The following MTMR3 variants were observed in gnomAD, a reference collection of about 807,000 sequenced individuals.
MTMR3 encodes the protein phosphatidylinositol-3,5-bisphosphate 3-phosphatase MTMR3.
A neutral mutation model predicts 132.4 loss-of-function variants in MTMR3; 32 were observed. The ratio of observed to expected loss-of-function variants is 0.24; its 90% CI spans 0.18 to 0.32. The LOEUF (loss-of-function observed/expected upper bound fraction) is 0.32, where lower values mean the gene tolerates loss of function less well. MTMR3 is among the 10% of genes least tolerant of loss of function. The pLI, the probability that MTMR3 is intolerant of heterozygous loss-of-function variation, is 1.00. For missense variants in MTMR3, 1,216 were observed against 1,489.6 expected (o/e 0.82, Z 3.02); for synonymous variants, 556 against 550.3 (o/e 1.01, Z -0.14).
chr22:30,020,846 A>C lies in MTMR3; in HGVS notation c.3187A>C (p.Ser1063Arg). Residue 1063 changes from serine to arginine, a missense_variant, in exon 17 of 20, where the codon AGC (serine) becomes CGC (arginine). By Grantham distance (110) the Ser-to-Arg change is moderately radical. Transcript: ENST00000401950. ...KSRLESQYLT[S>R]SLHFNGDFGD... is the part of the protein sequence containing the mutation. Reference sequence around the variant, plus strand: ...TCGCCTGGAGAGCCAGTACCTGACCAGCTCCCTACACTTTAATGGAGACTT... The same window carrying C: ...TCGCCTGGAGAGCCAGTACCTGACCCGCTCCCTACACTTTAATGGAGACTT... 6.2e-7 allele frequency: 1 copy of C among 1,604,768 alleles called. No homozygotes were observed. Among genetic ancestry groups the C allele is most frequent in the Non-Finnish European group, 8.5e-7 (1 of 1,175,080 alleles).
intron 16 of MTMR3, 142 bp downstream of exon 16, chr22:30,018,214 G>A: frequency 1.1e-6 from 1 of 928,148 alleles, no homozygotes; most frequent in Admixed American, 3.9e-5. Flanking sequence ...TTTCAGGGAA[G>A]TTATAGGGAT....
chr22:29,940,826 C>G (rs2065843498), intron 1 of MTMR3, among the ~76,000 whole-genome samples: 1 of 149,966 alleles, frequency 6.7e-6, no homozygotes, highest in South Asian at 2.1e-4. Flanking sequence ...TTCAAGGAAC[C>G]TCAGACTTTG....
chr22:29,946,021 T>TTTTGTGTG (rs144010124), intron 1 of MTMR3, among the ~76,000 whole-genome samples: 3 of 150,780 alleles, frequency 2.0e-5, no homozygotes, highest in African/African-American at 7.3e-5. Context: ...GTGTATATAT[T>TTTTGTGTG]TGTGTGTGTG....
chr22:30,029,254 T>TGAAA lies in MTMR3; in HGVS notation c.*3453_*3454insGAAA, dbSNP rs2067969931. ...GCCAGGTTGTCTTCATCTCAGAACT[T>TGAAA]TCCTATCCTGGCACTCTCGTTACCT... On this transcript the variant is annotated 3_prime_UTR_variant, in exon 20 of 20. Coordinates refer to ENST00000401950, the MANE Select transcript of MTMR3 (RefSeq NM_021090.4). The TGAAA allele has an allele frequency of 6.6e-6, 1 of 152,332 alleles. No homozygotes were observed. Among genetic ancestry groups the TGAAA allele is most frequent in the African/African-American group, 2.4e-5 (1 of 41,456 alleles). 9.4% of individuals were successfully genotyped at this position (152,332 alleles called of 1,614,324 possible).
At chr22:29,892,889 CT>C (rs1411071595) in intron 1 of MTMR3, among the ~76,000 whole-genome samples, 1 of 152,180 alleles carries the variant, frequency 6.6e-6, no homozygotes, top group Non-Finnish European at 1.5e-5. Context: ...GATGTATAAG[CT>C]ACTTTCACAT....
chr22:30,020,562 A>T lies in MTMR3; in HGVS notation c.2903A>T (p.Asp968Val). The part of the protein sequence containing the change: ...CANGEAGRSK[D>V]SLSRQLSAMS... ...AATGGGGAGGCTGGTAGGAGCAAGG[A>T]CTCACTGAGCCGTCAGCTGTCTGCT... Residue 968 changes from aspartate (D) to valine (V), a missense_variant, in exon 17 of 20, where the codon GAC becomes GTC. Around this residue, in one of 7 missense-constraint regions of MTMR3, gnomAD observed 852 missense variants for 852.0 expected, o/e 1.00. Coordinates refer to ENST00000401950, the MANE Select transcript of MTMR3 (RefSeq NM_021090.4). The T allele has an allele frequency of 6.2e-7, 1 of 1,614,118 alleles. No homozygotes were observed. Among genetic ancestry groups the T allele is most frequent in the Non-Finnish European group, 8.5e-7 (1 of 1,180,034 alleles).
chr22:29,928,594 A>G (rs1374081103), intron 1 of MTMR3, among the ~76,000 whole-genome samples: 1 of 151,190 alleles, frequency 6.6e-6, no homozygotes, highest in Non-Finnish European at 1.5e-5. Context: ...TACTCTATAT[A>G]TTTTTCCCCA....
At chr22:29,927,034 ATT>A (rs1472406364) in intron 1 of MTMR3, among the ~76,000 whole-genome samples, 1 of 152,174 alleles carries the variant, frequency 6.6e-6, no homozygotes, top group African/African-American at 2.4e-5. Context: ...TAGAGTTCTT[ATT>A]TAATTCTTTG....
intron 1 of MTMR3, among the ~76,000 whole-genome samples, chr22:29,943,376 G>C (rs1424342795): frequency 6.6e-6 from 1 of 151,948 alleles, no homozygotes; most frequent in Non-Finnish European, 1.5e-5. Context: ...TGTATTTTTA[G>C]TAGAGATAGG....
At chr22:29,939,998 T>C (rs1018817377) in intron 1 of MTMR3, among the ~76,000 whole-genome samples, 2 of 152,188 alleles carry the variant, frequency 1.3e-5, no homozygotes, top group Non-Finnish European at 2.9e-5. Context: ...CTTAAGAAGG[T>C]ACTTTGCGCC....
chr22:29,948,955 GGGCATGGT>G (rs2066002977), intron 1 of MTMR3, among the ~76,000 whole-genome samples: 1 of 151,716 alleles, frequency 6.6e-6, no homozygotes. Flanking sequence ...AAAATGAGCC[GGGCATGGT>G]GGCATGTGTC....
At chr22:30,009,757 G>A (rs2067365169) in intron 12 of MTMR3, 1 of 152,202 alleles carries the variant, frequency 6.6e-6, no homozygotes, top group African/African-American at 2.4e-5. Context: ...TAGGAAGAAT[G>A]CTCTGTAAAA....
intron 1 of MTMR3, among the ~76,000 whole-genome samples, chr22:29,941,850 T>C (rs1016238781): frequency 6.6e-6 from 1 of 152,154 alleles, no homozygotes; most frequent in South Asian, 2.1e-4. Flanking sequence ...GACATGGTGG[T>C]GAGTGCCTGT....
Position 29,984,802 on chromosome 22 carries a change from A to G in MTMR3, c.211-3678A>G, listed in dbSNP as rs1399143422. ...TTTAAACTCTGTTTTCCTCTTGAAGATCCCTGGTGGAGAAGCTACTTATTT... is the reference window on the plus strand; with the variant it reads ...TTTAAACTCTGTTTTCCTCTTGAAGGTCCCTGGTGGAGAAGCTACTTATTT... On this transcript the variant is annotated intron_variant, in intron 5 of 19. Transcript: ENST00000401950. 5 of 152,354 alleles carry G rather than the reference A, an allele frequency of 3.3e-5. No homozygotes were observed. In the East Asian group the frequency reaches 9.6e-4, roughly 29 times the overall value. The allele number at this position is 152,354 out of a possible 1,614,324, so 9.4% of individuals were successfully genotyped here. A position where few individuals can be genotyped will look rare whatever the true frequency, so the allele number is the denominator to read the frequency against.
chr22:30,008,844 G>A (rs758381984), intron 11 of MTMR3, 174 bp from the exon 12 acceptor site: 4 of 478,128 alleles, frequency 8.4e-6, no homozygotes, highest in Non-Finnish European at 1.1e-5. Context: ...CTAAAATTCA[G>A]TGTGTTCCTC....
At chr22:30,009,475 T>A (rs534681121) in intron 12 of MTMR3, 1 of 222,708 alleles carries the variant, frequency 4.5e-6, no homozygotes, top group African/African-American at 2.3e-5. Flanking sequence ...ATTTAATTCT[T>A]CAGTTTCTGA....
intron 1 of MTMR3, among the ~76,000 whole-genome samples, chr22:29,953,563 C>T (rs2066124667): frequency 6.6e-6 from 1 of 152,110 alleles, no homozygotes; most frequent in African/African-American, 2.4e-5. Context: ...TGTTAGGTCC[C>T]CCTCTCCAGT....
At chr22:29,968,392 A>T (rs374580195) in intron 2 of MTMR3, among the ~76,000 whole-genome samples, 1 of 152,208 alleles carries the variant, frequency 6.6e-6, no homozygotes, top group East Asian at 1.9e-4. Context: ...CTAAAACACA[A>T]ATATCTTTTG....
rs1407464014 is a variant in MTMR3 at position 30,027,796 on chromosome 22, G to GTA, written c.*1996_*1997dup. On this transcript the variant is annotated 3_prime_UTR_variant, in exon 20 of 20. Coordinates refer to ENST00000401950, the MANE Select transcript of MTMR3 (RefSeq NM_021090.4). The stretch of plus-strand genomic sequence containing the variant: ...TTTTCATTTTTTGTCAAAGCAAGAA[G>GTA]TAAATACTTTAGAATTGTTAAATAT... The GTA allele has an allele frequency of 6.6e-6, 1 of 152,496 alleles. No homozygotes were observed. The highest frequency in any genetic ancestry group is 2.4e-5 in the African/African-American group (1 of 41,442). The allele number at this position is 152,496 out of a possible 1,614,324, so 9.4% of individuals were successfully genotyped here.
Sources: allele counts gnomAD v4.1 joint callset (sites outside exome capture counted in the v4.1 genomes callset), GRCh38; gene constraint gnomAD v4.1.1; regional missense constraint gnomAD v4.1.1; transcripts MANE v1.5; gene names NCBI Gene and HGNC (gene_info 2026-07-23, HGNC 2026-07-21).